Variants in DOCK5 observed in about 807,000 individuals in gnomAD.
DOCK5 encodes the protein dedicator of cytokinesis 5, also known as dedicator of cytokinesis protein 5.
In DOCK5, 142 loss-of-function variants were observed where a neutral mutation model predicts 251.8. That is an observed-to-expected ratio of 0.56 (90% CI 0.49 to 0.65). The LOEUF (loss-of-function observed/expected upper bound fraction) is 0.65, where lower values mean the gene tolerates loss of function less well. Ranked by LOEUF, DOCK5 falls within the 30% of genes least tolerant of loss-of-function variation. The pLI is 0.00. For synonymous variants in DOCK5, 842 were observed against 835.5 expected (o/e 1.01, Z -0.13); for missense variants, 2,111 against 2,312.3 (o/e 0.91, Z 1.79).
At chr8:25,358,865 C>T (rs1586359906) in intron 27 of DOCK5, 98 bp from the exon 28 acceptor site, 4 of 993,512 alleles carry the variant, frequency 4.0e-6, no homozygotes, top group East Asian at 2.4e-5. Flanking sequence ...CTGCGTGGCT[C>T]AGTGGGTGGG....
intron 2 of DOCK5, among the ~76,000 whole-genome samples, chr8:25,245,728 C>T (rs536050537): frequency 5.3e-5 from 8 of 152,006 alleles, no homozygotes; most frequent in South Asian, 2.1e-4. Flanking sequence ...TTAGTAGAGA[C>T]GGGGTTTCAT....
intron 5 of DOCK5, among the ~76,000 whole-genome samples, chr8:25,284,547 T>G (rs1458131655): frequency 6.6e-6 from 1 of 152,208 alleles, no homozygotes; most frequent in Non-Finnish European, 1.5e-5. Context: ...TTTCAGATTT[T>G]CTATCCACTA....
At chr8:25,410,641 T>C (rs949733825) in intron 51 of DOCK5, among the ~76,000 whole-genome samples, 2 of 151,872 alleles carry the variant, frequency 1.3e-5, no homozygotes, top group African/African-American at 4.8e-5. Flanking sequence ...TTTTAATCTT[T>C]TGTTGAAATG....
intron 49 of DOCK5, 123 bp from the exon 50 acceptor site, chr8:25,408,679 A>T: frequency 8.5e-7 from 1 of 1,182,030 alleles, no homozygotes; most frequent in Middle Eastern, 2.6e-4. Flanking sequence ...ACAATGCTTA[A>T]AAATCGCTCC....
chr8:25,364,119 A>G (rs1033463941), intron 29 of DOCK5, among the ~76,000 whole-genome samples: 2 of 152,184 alleles, frequency 1.3e-5, no homozygotes. Context: ...AAGTGAAATG[A>G]ACTGAATATA....
At chr8:25,394,771 A>G (rs1486462055) in intron 44 of DOCK5, among the ~76,000 whole-genome samples, 2 of 152,178 alleles carry the variant, frequency 1.3e-5, no homozygotes, top group African/African-American at 2.4e-5. Flanking sequence ...CCATAGCTCC[A>G]ATGTTTAAGT....
intron 22 of DOCK5, among the ~76,000 whole-genome samples, chr8:25,339,581 G>A (rs941608818): frequency 8.5e-5 from 13 of 152,218 alleles, no homozygotes; most frequent in Non-Finnish European, 1.5e-4. Flanking sequence ...AGCTGAGACT[G>A]AAAGATGAAG....
rs182822455 is a variant in DOCK5, at chr8:25,405,663, G to A, written c.5093+1939G>A. Among the ~76,000 whole-genome samples the A allele has an allele frequency of 3.4e-3, 517 of 152,124 alleles. 3 individuals are homozygous for A. The highest frequency in any genetic ancestry group is 0.028 in the South Asian group (136 of 4,824). On this transcript the variant is annotated intron_variant, in intron 48 of 51. Coordinates refer to ENST00000276440, the MANE Select transcript of DOCK5 (RefSeq NM_024940.8). ...AGATTAACTTGTCTAGAATCCTATT[G>A]CTATTTTTATTAGGATCATGTTAAA...
chr8:25,191,533 T>C (rs1487182065), intron 1 of DOCK5, among the ~76,000 whole-genome samples: 1 of 152,226 alleles, frequency 6.6e-6, no homozygotes, highest in Non-Finnish European at 1.5e-5. Flanking sequence ...CAAGTTGTGA[T>C]AGATGTCACC....
intron 5 of DOCK5, among the ~76,000 whole-genome samples, chr8:25,288,729 G>C (rs2117145971): frequency 6.6e-6 from 1 of 152,268 alleles, no homozygotes; most frequent in South Asian, 2.1e-4. Flanking sequence ...AAACTGACAG[G>C]CTTAATTTCT....
chr8:25,321,627 C>G (rs1490745933), intron 16 of DOCK5, among the ~76,000 whole-genome samples: 1 of 152,094 alleles, frequency 6.6e-6, no homozygotes, highest in Non-Finnish European at 1.5e-5. Flanking sequence ...GCTGATCCAA[C>G]AGGAGGCGGA....
At chr8:25,390,541 C>G (rs1159373784) in intron 42 of DOCK5, among the ~76,000 whole-genome samples, 2 of 152,176 alleles carry the variant, frequency 1.3e-5, no homozygotes, top group Non-Finnish European at 2.9e-5. Flanking sequence ...ACTGTCTGTT[C>G]TACTTTGAGT....
chr8:25,316,603 T>C (rs1805258185), intron 13 of DOCK5, among the ~76,000 whole-genome samples: 1 of 152,212 alleles, frequency 6.6e-6, no homozygotes, highest in South Asian at 2.1e-4. Flanking sequence ...ATTTTGACCA[T>C]TGCCTGGCAC....
chr8:25,315,526 G>A (rs964278325), intron 13 of DOCK5, among the ~76,000 whole-genome samples: 4 of 152,152 alleles, frequency 2.6e-5, no homozygotes, highest in South Asian at 2.1e-4. Flanking sequence ...AGGAGCTCAA[G>A]CACTTTTTAA....
intron 35 of DOCK5, 24 bp from the exon 36 acceptor site, chr8:25,373,594 T>C: frequency 6.4e-7 from 1 of 1,551,264 alleles, no homozygotes; most frequent in Middle Eastern, 1.7e-4. Context: ...GTTGGGATTC[T>C]GTGATCCTTT....
intron 37 of DOCK5, chr8:25,375,991 A>C (rs1365954985): frequency 1.3e-6 from 1 of 791,744 alleles, no homozygotes; most frequent in African/African-American, 1.9e-5. Flanking sequence ...CCAGCTACTC[A>C]GGAGGCTGAG....
chr8:25,355,467 T>A (rs1800550279), intron 27 of DOCK5, among the ~76,000 whole-genome samples: 1 of 152,206 alleles, frequency 6.6e-6, no homozygotes, highest in Admixed American at 6.5e-5. Context: ...TATTTTGTTT[T>A]GAGACAGGGT....
chr8:25,359,139 G>C (rs564601771), intron 28 of DOCK5, 78 bp downstream of exon 28: 10 of 1,286,192 alleles, frequency 7.8e-6, no homozygotes, highest in Non-Finnish European at 5.7e-6. Context: ...GCTGAGCATC[G>C]TGAGTCCAGG....
rs1586409189 is a variant in DOCK5, at chr8:25,414,925, T to C, written c.*3627T>C. 6.7e-6 allele frequency: 1 copy of C among 149,472 alleles called. No homozygotes were observed. Among genetic ancestry groups the C allele is most frequent in the East Asian group, 2.0e-4 (1 of 5,098 alleles). The allele number at this position is 149,472 out of a possible 1,614,324, so 9.3% of individuals were successfully genotyped here. A position where few individuals can be genotyped will look rare whatever the true frequency, so the allele number is the denominator to read the frequency against. ...TGGGCCTGTCTTTTTTTTTTTTTAA[T>C]TTTGAAGCTACCTGAGGTTTAGAAT... On this transcript the variant is annotated 3_prime_UTR_variant, in exon 52 of 52. Transcript: ENST00000276440.
Sources: allele counts gnomAD v4.1 joint callset (sites outside exome capture counted in the v4.1 genomes callset), GRCh38; gene constraint gnomAD v4.1.1; transcripts MANE v1.5; gene names NCBI Gene and HGNC (gene_info 2026-07-23, HGNC 2026-07-21).